The following CACHD1 variants were observed in gnomAD, a reference collection of about 807,000 sequenced individuals.
The protein encoded by CACHD1 is VWFA and cache domain-containing protein 1.
CACHD1 carries 71 observed loss-of-function variants against 138.7 expected under a neutral mutation model. The observed-to-expected ratio is 0.51, with a 90% CI of 0.42 to 0.62. CACHD1 has a LOEUF of 0.62. Ranked by LOEUF, CACHD1 falls within the 20% of genes least tolerant of loss-of-function variation. The pLI, the probability that CACHD1 is intolerant of heterozygous loss-of-function variation, is 0.00. For missense variants in CACHD1, 1,389 were observed against 1,625.3 expected (o/e 0.85, Z 2.50); for synonymous variants, 578 against 591.5 (o/e 0.98, Z 0.33).
intron 7 of CACHD1, among the ~76,000 whole-genome samples, chr1:64,640,741 TTATATATATATATA>T (rs67605354): frequency 9.4e-5 from 14 of 149,380 alleles, no homozygotes; most frequent in Admixed American, 4.0e-4. Context: ...ACTCTCAACA[TTATATATATATATA>T]TATATATATA....
chr1:64,475,883 T>C (rs773837133), intron 1 of CACHD1, among the ~76,000 whole-genome samples: 1 of 151,998 alleles, frequency 6.6e-6, no homozygotes, highest in Non-Finnish European at 1.5e-5. Flanking sequence ...CAACTAATGA[T>C]GGAAATAGAC....
chr1:64,529,708 A>G (rs1162923430), intron 1 of CACHD1, among the ~76,000 whole-genome samples: 2 of 152,182 alleles, frequency 1.3e-5, no homozygotes, highest in Non-Finnish European at 2.9e-5. Flanking sequence ...TATTCAGCAG[A>G]GCTGGGATTT....
chr1:64,488,796 C>A (rs1399513779), intron 1 of CACHD1, among the ~76,000 whole-genome samples: 3 of 152,138 alleles, frequency 2.0e-5, no homozygotes, highest in Non-Finnish European at 4.4e-5. Context: ...CATGTTGAAA[C>A]AATTTAACCA....
At chr1:64,639,906 C>T (rs897722080) in intron 7 of CACHD1, among the ~76,000 whole-genome samples, 1 of 152,156 alleles carries the variant, frequency 6.6e-6, no homozygotes, top group Non-Finnish European at 1.5e-5. Flanking sequence ...CGGCAGTCAG[C>T]CTATTGCCCA....
At chr1:64,645,096 C>CA (rs199629023) in intron 8 of CACHD1, among the ~76,000 whole-genome samples, 2,281 of 152,030 alleles carry the variant, frequency 0.015, 27 homozygotes, top group Non-Finnish European at 0.025. Flanking sequence ...TACTCTGTCT[C>CA]AAAAAATAAA....
At chr1:64,636,893 G>A (rs879696995) in intron 7 of CACHD1, among the ~76,000 whole-genome samples, 12 of 152,080 alleles carry the variant, frequency 7.9e-5, no homozygotes, top group African/African-American at 1.2e-4. Flanking sequence ...GTTATGTCCC[G>A]TATACAGGAC....
At chr1:64,566,480 C>CCCCT (rs1553133826) in intron 2 of CACHD1, among the ~76,000 whole-genome samples, 6 of 892 alleles carry the variant, frequency 6.7e-3, no homozygotes, top group East Asian at 0.05. Context: ...GTTTTCAATT[C>CCCCT]CCCCCCCCCC....
chr1:64,554,057 G>A (rs1240015881), intron 2 of CACHD1, among the ~76,000 whole-genome samples: 1 of 152,074 alleles, frequency 6.6e-6, no homozygotes, highest in Non-Finnish European at 1.5e-5. Flanking sequence ...TAAGAGACAG[G>A]TTCTCGCTCT....
chr1:64,554,190 T>A (rs1374758951), intron 2 of CACHD1, among the ~76,000 whole-genome samples: 1 of 152,168 alleles, frequency 6.6e-6, no homozygotes, highest in Admixed American at 6.5e-5. Context: ...CCACTAAATC[T>A]GGCTAATTTT....
At chr1:64,623,495 TACCAA>T (rs918800149) in intron 4 of CACHD1, among the ~76,000 whole-genome samples, 11 of 151,954 alleles carry the variant, frequency 7.2e-5, no homozygotes, top group Non-Finnish European at 1.3e-4. Flanking sequence ...GTGCTACAGA[TACCAA>T]TCCTGCAGCT....
intron 1 of CACHD1, among the ~76,000 whole-genome samples, chr1:64,532,333 C>A (rs1268485364): frequency 6.6e-6 from 1 of 152,150 alleles, no homozygotes; most frequent in East Asian, 1.9e-4. Flanking sequence ...CTGGGAACAA[C>A]AACAACAACA....
chr1:64,593,357 T>A (rs1647123201), intron 3 of CACHD1, among the ~76,000 whole-genome samples: 1 of 152,182 alleles, frequency 6.6e-6, no homozygotes, highest in African/African-American at 2.4e-5. Flanking sequence ...TAATCCAATT[T>A]TAAGGTAGTG....
chr1:64,482,652 A>G (rs567235074), intron 1 of CACHD1, among the ~76,000 whole-genome samples: 184 of 152,282 alleles, frequency 1.2e-3, no homozygotes, highest in African/African-American at 4.4e-3. Flanking sequence ...CCATTTATGA[A>G]AAGGGGAAAT....
At chr1:64,471,255 G>T (rs1044374251) in intron 1 of CACHD1, among the ~76,000 whole-genome samples, 2 of 152,080 alleles carry the variant, frequency 1.3e-5, no homozygotes, top group Non-Finnish European at 2.9e-5. Context: ...CAGTTTCCTC[G>T]CACGTCTTCT....
At chr1:64,671,249 A>G (rs1011885191) in intron 16 of CACHD1, among the ~76,000 whole-genome samples, 2 of 150,054 alleles carry the variant, frequency 1.3e-5, no homozygotes, top group African/African-American at 4.9e-5. Context: ...CATGCATCCA[A>G]CCTCCCACCT....
At chr1:64,593,212 T>C (rs1446483733) in intron 3 of CACHD1, among the ~76,000 whole-genome samples, 1 of 152,208 alleles carries the variant, frequency 6.6e-6, no homozygotes, top group Non-Finnish European at 1.5e-5. Flanking sequence ...TGTAACTATG[T>C]CATGTGCATG....
At chr1:64,646,715 G>C (rs1341463310) in intron 8 of CACHD1, among the ~76,000 whole-genome samples, 1 of 152,156 alleles carries the variant, frequency 6.6e-6, no homozygotes, top group African/African-American at 2.4e-5. Context: ...CTGGGTGACA[G>C]AGGGAAACTG....
At chr1:64,599,537 A>C (rs1336813894) in intron 3 of CACHD1, among the ~76,000 whole-genome samples, 1 of 152,060 alleles carries the variant, frequency 6.6e-6, no homozygotes, top group Non-Finnish European at 1.5e-5. Flanking sequence ...GTTTCGTTAG[A>C]AGTGTAGGAT....
chr1:64,629,189 T>C (rs1329328429), intron 4 of CACHD1, among the ~76,000 whole-genome samples, 166 bp from the exon 5 acceptor site: 1 of 152,152 alleles, frequency 6.6e-6, no homozygotes, highest in East Asian at 1.9e-4. Flanking sequence ...TCTTGGGGTG[T>C]TTTTTAAGGG....
Sources: allele counts gnomAD v4.1 joint callset (sites outside exome capture counted in the v4.1 genomes callset), GRCh38; gene constraint gnomAD v4.1.1; transcripts MANE v1.5; gene names NCBI Gene and HGNC (gene_info 2026-07-23, HGNC 2026-07-21).